Variants in TRERF1 observed in about 807,000 individuals in gnomAD.
TRERF1 encodes the protein transcriptional regulating factor 1.
A neutral mutation model predicts 122.9 loss-of-function variants in TRERF1; 27 were observed. The ratio of observed to expected loss-of-function variants is 0.22; its 90% CI spans 0.16 to 0.30. TRERF1 has a LOEUF of 0.30. Among genes scored for constraint, TRERF1 ranks in the 10% least tolerant of loss-of-function variants. The probability of loss-of-function intolerance (pLI) is 1.00; values close to 1 mark genes in which losing one functional copy is unlikely to be tolerated. For synonymous variants in TRERF1, 636 were observed against 641.7 expected (o/e 0.99, Z 0.13); for missense variants, 1,248 against 1,560.3 (o/e 0.80, Z 3.37).
intron 4 of TRERF1, among the ~76,000 whole-genome samples, chr6:42,298,368 C>T (rs1245424949): frequency 1.3e-5 from 2 of 151,416 alleles, no homozygotes; most frequent in African/African-American, 4.8e-5. Context: ...GTTGGCCAGG[C>T]TGGTCTTGAA....
chr6:42,361,739 G>A (rs552028403), intron 3 of TRERF1, among the ~76,000 whole-genome samples: 1 of 152,308 alleles, frequency 6.6e-6, no homozygotes, highest in South Asian at 2.1e-4. Context: ...GACTCTGTGA[G>A]ACTGTTCCCA....
chr6:42,277,903 A>AGGAAGAGGAAGAGGAAGAGGAAG lies in TRERF1; in HGVS notation c.-258-8056_-258-8055insCTTCCTCTTCCTCTTCCTCTTCC, dbSNP rs1554141662. Among the ~76,000 whole-genome samples, 9 of 93,582 alleles carry AGGAAGAGGAAGAGGAAGAGGAAG rather than the reference A, an allele frequency of 9.6e-5. No individual in the cohort carries two copies. In the East Asian group the frequency reaches 2.5e-3, roughly 26 times the overall value. 61.4% of individuals were successfully genotyped at this position (93,582 alleles called of 152,430 possible). On this transcript the variant is annotated intron_variant, in intron 4 of 17. Coordinates refer to ENST00000372922, the Ensembl canonical transcript of TRERF1. ...GAAGAAGGAAGAAGGAAGAAGGAAGAAGGAAGAAGAAGAAGAAGAAGAAGA... is the reference window on the plus strand; with the variant it reads ...GAAGAAGGAAGAAGGAAGAAGGAAGAGGAAGAGGAAGAGGAAGAGGAAGAGGAAGAAGAAGAAGAAGAAGAAGA...
chr6:42,342,591 A>G (rs541811910), intron 3 of TRERF1, among the ~76,000 whole-genome samples: 5 of 152,240 alleles, frequency 3.3e-5, no homozygotes, highest in Non-Finnish European at 5.9e-5. Flanking sequence ...AAAAGAAAAG[A>G]AAAGAAAATG....
At position 42,228,177 on chromosome 6, in the gene TRERF1, T is replaced by A. The variant is rs1452278367; in HGVS notation, c.*168A>T. The A allele has an allele frequency of 3.2e-6, 2 of 618,494 alleles. No homozygotes were observed. Among genetic ancestry groups the A allele is most frequent in the African/African-American group, 1.9e-5 (1 of 52,836 alleles). 38.3% of individuals were successfully genotyped at this position (618,494 alleles called of 1,614,324 possible). ...AACCCCCCACAAAAACAAATTTTTT[T>A]AAATAAAAGGAAAAGAAATAGGATT... On this transcript the variant is annotated 3_prime_UTR_variant, in exon 18 of 18. Transcript: ENST00000372922. The surrounding 1 kb of genome is among the most constrained non-coding windows in gnomAD (Gnocchi z 4.2).
intron 2 of TRERF1, among the ~76,000 whole-genome samples, chr6:42,390,200 A>C (rs1777485682): frequency 1.3e-5 from 2 of 152,228 alleles, no homozygotes; most frequent in Admixed American, 1.3e-4. Context: ...GATATACAAG[A>C]GGCACAATTT....
Position 42,263,090 on chromosome 6 carries a change from G to A in TRERF1, c.1884+230C>T, listed in dbSNP as rs372803427. Among the ~76,000 whole-genome samples, 1 of 152,190 alleles carries A rather than the reference G, an allele frequency of 6.6e-6. No homozygotes were observed. Among genetic ancestry groups the A allele is most frequent in the East Asian group, 1.9e-4 (1 of 5,200 alleles). ...TAGGCCATTAGTTTGGCATTTAATG[G>A]GGAGCAGGCAGTGTGAACAAGGGTA... On this transcript the variant is annotated intron_variant, in intron 8 of 17. Coordinates refer to ENST00000372922, the Ensembl canonical transcript of TRERF1. The surrounding 1 kb of genome is among the most constrained non-coding windows in gnomAD (Gnocchi z 5.6).
Position 42,268,692 on chromosome 6 carries a change from G to A in TRERF1, c.899C>T (p.Pro300Leu). The A allele has an allele frequency of 6.2e-7, 1 of 1,614,162 alleles. No homozygotes were observed. Among genetic ancestry groups the A allele is most frequent in the Admixed American group, 1.7e-5 (1 of 60,024 alleles). Residue 300 changes from proline to leucine, a missense_variant, in exon 5 of 18, where the codon CCA becomes CTA. By Grantham distance (98) the Pro-to-Leu change is moderately conservative. Coordinates refer to ENST00000372922, the Ensembl canonical transcript of TRERF1. This position sits in a 1 kb window ranked among gnomAD's most constrained non-coding sequence, Gnocchi z 4.4. ...CTGCTGCTGCTGTGGCGGCGGCTGT[G>A]GCTGTGATGGGCGAATTTGTTGCGG... is the stretch of plus-strand genomic sequence containing the variant.
chr6:42,341,305 C>T (rs1269935590), intron 3 of TRERF1, among the ~76,000 whole-genome samples: 1 of 152,238 alleles, frequency 6.6e-6, no homozygotes, highest in African/African-American at 2.4e-5. Flanking sequence ...CTGGCCCAAA[C>T]AAGATCCTCA....
chr6:42,253,223 G>A (rs934745789), intron 13 of TRERF1, among the ~76,000 whole-genome samples: 3 of 152,176 alleles, frequency 2.0e-5, no homozygotes, highest in African/African-American at 7.2e-5. Flanking sequence ...ACACTTGGAA[G>A]AACCAGAGGA....
chr6:42,395,039 T>A (rs1482685481), intron 2 of TRERF1, among the ~76,000 whole-genome samples: 1 of 152,186 alleles, frequency 6.6e-6, no homozygotes, highest in Admixed American at 6.5e-5. Flanking sequence ...CCGGCACTTG[T>A]TCCCAGGAAA....
At chr6:42,325,815 C>T (rs1464974002) in intron 3 of TRERF1, among the ~76,000 whole-genome samples, 1 of 152,198 alleles carries the variant, frequency 6.6e-6, no homozygotes, top group East Asian at 1.9e-4. Context: ...TTCGAAGCTG[C>T]TGTGAGCTGT....
At position 42,228,168 on chromosome 6, in the gene TRERF1, A is replaced by C. The variant is rs1271978122; in HGVS notation, c.*177T>G. 6.8e-6 allele frequency: 4 copies of C among 585,680 alleles called. No individual in the cohort carries two copies. The African/African-American group carries it at 7.6e-5, about 11-fold the overall frequency. 36.3% of individuals were successfully genotyped at this position (585,680 alleles called of 1,614,324 possible). A position where few individuals can be genotyped will look rare whatever the true frequency, so the allele number is the denominator to read the frequency against. On this transcript the variant is annotated 3_prime_UTR_variant, in exon 18 of 18. Transcript: ENST00000372922. This position sits in a 1 kb window ranked among gnomAD's most constrained non-coding sequence, Gnocchi z 4.2. ...TATTCCCCCAACCCCCCACAAAAAC[A>C]AATTTTTTTAAATAAAAGGAAAAGA... is the stretch of plus-strand genomic sequence containing the variant.
chr6:42,399,647 A>G (rs1779115036), intron 2 of TRERF1, among the ~76,000 whole-genome samples: 1 of 152,234 alleles, frequency 6.6e-6, no homozygotes, highest in African/African-American at 2.4e-5. Flanking sequence ...GAAAAGTCAC[A>G]TGCATTGCTG....
intron 2 of TRERF1, among the ~76,000 whole-genome samples, chr6:42,399,141 G>A (rs868679847): frequency 1.7e-4 from 26 of 152,164 alleles, no homozygotes; most frequent in Non-Finnish European, 7.4e-5. Context: ...AAATGGTTTT[G>A]TTGTTTGGTG....
chr6:42,256,606 C>T, intron 12 of TRERF1, 122 bp downstream of exon 12: 1 of 757,732 alleles, frequency 1.3e-6, no homozygotes, highest in Admixed American at 2.2e-5. Flanking sequence ...GGGAGGCGTG[C>T]TGATTGGTCA....
At chr6:42,237,397 G>A (rs537614497) in intron 15 of TRERF1, among the ~76,000 whole-genome samples, 1 of 152,306 alleles carries the variant, frequency 6.6e-6, no homozygotes, top group African/African-American at 2.4e-5. Flanking sequence ...GAGGGCTGCT[G>A]GCTCCTGCAG....
chr6:42,263,146 T>C lies in TRERF1; in HGVS notation c.1884+174A>G, dbSNP rs988697802. Reference sequence around the variant, plus strand: ...CCCAATGTGGCCACGGGTTCAGCCCTGAGAGACCAAGCCGTATCCAAGCTC... The same window carrying C: ...CCCAATGTGGCCACGGGTTCAGCCCCGAGAGACCAAGCCGTATCCAAGCTC... On this transcript the variant is annotated intron_variant, in intron 8 of 17. Coordinates refer to ENST00000372922, the Ensembl canonical transcript of TRERF1. The surrounding 1 kb of genome is among the most constrained non-coding windows in gnomAD (Gnocchi z 5.6). The C allele has an allele frequency of 7.3e-7, 1 of 1,372,460 alleles. No homozygotes were observed. The highest frequency in any genetic ancestry group is 9.4e-7 in the Non-Finnish European group (1 of 1,063,770). The allele number at this position is 1,372,460 out of a possible 1,614,324, so 85.0% of individuals were successfully genotyped here. A position where few individuals can be genotyped will look rare whatever the true frequency, so the allele number is the denominator to read the frequency against.
rs765635766 is a variant in TRERF1, at chr6:42,269,261, T to C, written c.330A>G (p.Ala110=). 5 of 1,614,182 alleles carry C rather than the reference T, an allele frequency of 3.1e-6. No homozygotes were observed. In the South Asian group the frequency reaches 4.4e-5, roughly 14 times the overall value. ...CATCAGTGGGCTCAGCCTGGGCTGG[T>C]GCCCCCCACATCATGTTTGAGTTGG... is the stretch of plus-strand genomic sequence containing the variant. Residue 110 remains alanine, a synonymous_variant, in exon 5 of 18, where the codon GCA becomes GCG. Transcript: ENST00000372922. This position sits in a 1 kb window ranked among gnomAD's most constrained non-coding sequence, Gnocchi z 4.9.
Position 42,268,848 on chromosome 6 carries a change from C to G in TRERF1, c.743G>C (p.Gly248Ala). 1 of 1,614,130 alleles carries G rather than the reference C, an allele frequency of 6.2e-7. No individual in the cohort carries two copies. Among genetic ancestry groups the G allele is most frequent in the Non-Finnish European group, 8.5e-7 (1 of 1,180,028 alleles). Residue 248 changes from glycine to alanine, a missense_variant, in exon 5 of 18, where the codon GGA (glycine) becomes GCA (alanine). Physicochemically the swap from Gly to Ala is moderately conservative, Grantham distance 60 (BLOSUM62 0). This residue lies in a region of TRERF1 where 946 missense variants were observed against 1,073.0 expected (regional missense o/e 0.88). Transcript: ENST00000372922. This position sits in a 1 kb window ranked among gnomAD's most constrained non-coding sequence, Gnocchi z 4.4. ...CATCTGTGGGGCCTGCAGTGGCTGT[C>G]CTCCCTGCACTGGCACCTGAGCCAG... is the stretch of plus-strand genomic sequence containing the variant.
Sources: allele counts gnomAD v4.1 joint callset (sites outside exome capture counted in the v4.1 genomes callset), GRCh38; gene constraint gnomAD v4.1.1; regional missense constraint gnomAD v4.1.1; non-coding constraint Gnocchi (gnomAD v3.1); transcripts MANE v1.5; gene names NCBI Gene and HGNC (gene_info 2026-07-23, HGNC 2026-07-21).